The following OPRM1 variants were observed in gnomAD, a reference collection of about 807,000 sequenced individuals.
The protein encoded by OPRM1 is mu-type opioid receptor.
Under a neutral mutation model 31.8 loss-of-function variants are expected in OPRM1, and 27 were observed. The ratio of observed to expected loss-of-function variants is 0.85; its 90% CI spans 0.63 to 1.17. The LOEUF is 1.17. OPRM1 is among the 50% of genes most tolerant of loss of function. The pLI is 0.00. For missense variants in OPRM1, 536 were observed against 511.1 expected (o/e 1.05, Z -0.47); for synonymous variants, 196 against 189.9 (o/e 1.03, Z -0.26).
intron 3 of OPRM1, among the ~76,000 whole-genome samples, chr6:154,207,876 C>T (rs909935144): frequency 3.3e-5 from 5 of 152,138 alleles, no homozygotes; most frequent in Non-Finnish European, 5.9e-5. Context: ...TATTTATCTC[C>T]TCTGTTTGTC....
chr6:154,141,075 T>C (rs963103440), intron 3 of OPRM1, among the ~76,000 whole-genome samples: 1 of 152,206 alleles, frequency 6.6e-6, no homozygotes, highest in Non-Finnish European at 1.5e-5. Context: ...ACTCTCAAAC[T>C]AGAATCAGAT....
intron 3 of OPRM1, among the ~76,000 whole-genome samples, chr6:154,172,205 C>T (rs1339127541): frequency 1.3e-5 from 2 of 152,216 alleles, no homozygotes; most frequent in African/African-American, 4.8e-5. Flanking sequence ...CTCCAGTCTA[C>T]AACTCCCAGT....
intron 1 of OPRM1, among the ~76,000 whole-genome samples, chr6:154,013,034 TG>T (rs546381876): frequency 1.3e-5 from 2 of 151,990 alleles, no homozygotes; most frequent in African/African-American, 4.8e-5. Context: ...TTGGCAGGGC[TG>T]GGGGGGTACA....
At chr6:154,012,325 A>G (rs1436847584) in intron 1 of OPRM1, among the ~76,000 whole-genome samples, 1 of 152,198 alleles carries the variant, frequency 6.6e-6, no homozygotes, top group East Asian at 1.9e-4. Context: ...CTCAGAAAGT[A>G]GCAGTAAATG....
chr6:154,161,095 G>A (rs114416398), intron 3 of OPRM1, among the ~76,000 whole-genome samples: 79 of 152,260 alleles, frequency 5.2e-4, no homozygotes, highest in African/African-American at 1.6e-3. Flanking sequence ...CCTCCGTGTT[G>A]TTGTGCCACA....
At chr6:154,020,079 A>G (rs1037123233) in intron 1 of OPRM1, among the ~76,000 whole-genome samples, 3 of 152,084 alleles carry the variant, frequency 2.0e-5, no homozygotes, top group African/African-American at 7.2e-5. Context: ...CATTGTCTGG[A>G]TGTACTACAG....
intron 3 of OPRM1, among the ~76,000 whole-genome samples, chr6:154,241,800 G>T (rs1780618914): frequency 6.6e-6 from 1 of 152,018 alleles, no homozygotes; most frequent in African/African-American, 2.4e-5. Context: ...TCACCTTCCG[G>T]CTCAAGAATA....
chr6:154,199,024 C>T (rs1776859517), intron 3 of OPRM1, among the ~76,000 whole-genome samples: 1 of 152,172 alleles, frequency 6.6e-6, no homozygotes, highest in Admixed American at 6.5e-5. Flanking sequence ...AAGACAAGGA[C>T]CAGTTATCAG....
Position 154,099,119 on chromosome 6 carries a change from A to AAAAC in OPRM1, c.1164+7659_1164+7662dup, listed in dbSNP as rs578109399. On this transcript the variant is annotated intron_variant, in intron 3 of 3. Transcript: ENST00000330432. ...ACCTGACGAAAGTCGATCTCTGCAA[A>AAAAC]AAACAAACAAACAAAAAAAGCCAGG... 2.2e-3 allele frequency among the ~76,000 whole-genome samples: 335 copies of AAAAC among 152,178 alleles called. 1 individual carries two copies. Among genetic ancestry groups the AAAAC allele is most frequent in the African/African-American group, 7.6e-3 (317 of 41,506 alleles).
intron 1 of OPRM1, among the ~76,000 whole-genome samples, chr6:154,028,903 G>A (rs1778852864): frequency 6.6e-6 from 1 of 152,190 alleles, no homozygotes; most frequent in Non-Finnish European, 1.5e-5. Context: ...CTCTTTCAGT[G>A]ATATGAACTT....
At chr6:154,217,581 T>C (rs1397149549) in intron 3 of OPRM1, 2 of 152,040 alleles carry the variant, frequency 1.3e-5, no homozygotes, top group African/African-American at 2.4e-5. Context: ...AATTAGAAAG[T>C]GAGGTGAGGA....
At chr6:154,069,860 G>T (rs954646194) in intron 1 of OPRM1, among the ~76,000 whole-genome samples, 1 of 151,910 alleles carries the variant, frequency 6.6e-6, no homozygotes, top group East Asian at 1.9e-4. Flanking sequence ...CCTCTCCCTC[G>T]GCTTGTTAGT....
chr6:154,135,867 A>G (rs560037543), downstream of OPRM1, among the ~76,000 whole-genome samples: 7 of 152,252 alleles, frequency 4.6e-5, no homozygotes, highest in Admixed American at 2.0e-4. Flanking sequence ...TTCTGAAAGG[A>G]AAGTATACCC....
chr6:154,094,177 T>G (rs1792933741), intron 3 of OPRM1: 3 of 1,246,522 alleles, frequency 2.4e-6, no homozygotes, highest in Non-Finnish European at 3.2e-6. Context: ...TATGTCACAT[T>G]TCAAGCACAT....
At chr6:154,229,516 A>AT (rs1304204191) in intron 3 of OPRM1, among the ~76,000 whole-genome samples, 1 of 147,876 alleles carries the variant, frequency 6.8e-6, no homozygotes, top group Non-Finnish European at 1.5e-5. Flanking sequence ...CACCCGGCTC[A>AT]TTTTTTGTAT....
At chr6:154,090,224 T>C in intron 2 of OPRM1, 46 bp downstream of exon 2, 1 of 1,286,158 alleles carries the variant, frequency 7.8e-7, no homozygotes, top group Non-Finnish European at 1.1e-6. Flanking sequence ...CACAGCCTGA[T>C]ATGTTGGTGA....
rs145296167 is a variant in OPRM1 at position 154,185,582 on chromosome 6, AC to A, written c.1165-61110del. Among the ~76,000 whole-genome samples the A allele has an allele frequency of 8.1e-4, 124 of 152,336 alleles. No individual in the cohort carries two copies. The East Asian group carries it at 0.022, about 27-fold the overall frequency. ...CTATAGATTTGGCTTTGATTTTAAC[AC>A]AAAATATGCCATATGCTTATTATAA... is the stretch of plus-strand genomic sequence containing the variant. On this transcript the variant is annotated intron_variant, in intron 3 of 3. Transcript: ENST00000337049.
At chr6:154,243,409 C>A (rs1780757687) in intron 3 of OPRM1, among the ~76,000 whole-genome samples, 1 of 152,178 alleles carries the variant, frequency 6.6e-6, no homozygotes, top group Admixed American at 6.5e-5. Flanking sequence ...TGGACTTGAC[C>A]TTTCTCAATG....
chr6:154,165,289 C>T (rs1294495528), intron 3 of OPRM1, among the ~76,000 whole-genome samples: 1 of 152,176 alleles, frequency 6.6e-6, no homozygotes, highest in African/African-American at 2.4e-5. Flanking sequence ...CACATCCCCT[C>T]TCAGTCCCAT....
Sources: gnomAD v4.1 joint callset for allele counts (sites outside exome capture counted in the v4.1 genomes callset) on GRCh38, gnomAD v4.1.1 for gene constraint, MANE v1.5 for transcripts, NCBI Gene and HGNC (gene_info 2026-07-23, HGNC 2026-07-21) for gene names.